The following DHRSX variants were observed in gnomAD, a reference collection of about 807,000 sequenced individuals.
DHRSX encodes the protein polyprenol dehydrogenase.
Under a neutral mutation model 34.0 loss-of-function variants are expected in DHRSX, and 31 were observed. The observed-to-expected ratio is 0.91, with a 90% CI of 0.69 to 1.23. DHRSX has a LOEUF of 1.23. Ranked by LOEUF, DHRSX falls within the 50% of genes most tolerant of loss-of-function variation. The probability of loss-of-function intolerance (pLI) is 0.00; values close to 1 mark genes in which losing one functional copy is unlikely to be tolerated. For missense variants in DHRSX, 414 were observed against 428.1 expected, an observed-to-expected ratio of 0.97 and a Z score of 0.29; for synonymous variants, 201 against 183.8, an observed-to-expected ratio of 1.09 and a Z score of -0.76.
At chrX:2,242,482 G>A (rs1486477946) in intron 6 of DHRSX, among the ~76,000 whole-genome samples, 3 of 152,136 alleles carry the variant, frequency 2.0e-5, no homozygotes, top group Non-Finnish European at 4.4e-5. Flanking sequence ...TGGGTAACAC[G>A]AGGCTGAGAC....
intron 4 of DHRSX, among the ~76,000 whole-genome samples, chrX:2,288,152 A>G (rs2041827002): frequency 6.6e-6 from 1 of 152,070 alleles, no homozygotes; most frequent in Admixed American, 6.6e-5. Flanking sequence ...GCAAGATGAG[A>G]GAGAGAAAGA....
chrX:2,359,608 T>C (rs2042902591), intron 3 of DHRSX, among the ~76,000 whole-genome samples: 2 of 151,492 alleles, frequency 1.3e-5, no homozygotes, highest in South Asian at 4.2e-4. Context: ...AAGGGTGCAG[T>C]GAGCTGAGGC....
rs371825199 is a variant in DHRSX at position 2,221,365 on chromosome X, G to A, written c.805-136C>T. On this transcript the variant is annotated intron_variant, in intron 6 of 6. Transcript: ENST00000334651. Reference sequence around the variant, plus strand: ...GCACTGAGAAATGTATGCAAAAAGCGAGGTTGGGTGATCAATCTGAACCAC... The same window carrying A: ...GCACTGAGAAATGTATGCAAAAAGCAAGGTTGGGTGATCAATCTGAACCAC... 134 of 875,828 alleles carry A rather than the reference G, an allele frequency of 1.5e-4. No individual in the cohort carries two copies. The Middle Eastern group carries it at 2.6e-3, about 17-fold the overall frequency. 54.3% of individuals were successfully genotyped at this position (875,828 alleles called of 1,614,324 possible).
chrX:2,327,776 A>G (rs66619641), intron 3 of DHRSX, among the ~76,000 whole-genome samples: 41,341 of 151,860 alleles, frequency 0.27, 6,399 homozygotes, highest in African/African-American at 0.41. Context: ...GAAGACTGGG[A>G]TGCTTATAAG....
chrX:2,420,352 G>A (rs1479764516), intron 2 of DHRSX, among the ~76,000 whole-genome samples: 6 of 151,768 alleles, frequency 4.0e-5, no homozygotes, highest in East Asian at 1.9e-4. Context: ...AGTTTGCGGT[G>A]AGCTGAGATC....
chrX:2,363,202 C>T (rs1263557932), intron 3 of DHRSX, among the ~76,000 whole-genome samples: 18 of 114,954 alleles, frequency 1.6e-4, no homozygotes, highest in African/African-American at 3.2e-4. Context: ...GGTATCATGC[C>T]GCCATTTTAT....
chrX:2,351,240 AG>A (rs1181798835), intron 3 of DHRSX, among the ~76,000 whole-genome samples: 1 of 152,244 alleles, frequency 6.6e-6, no homozygotes, highest in East Asian at 1.9e-4. Context: ...CAGAACTTAG[AG>A]TAAAATTAAA....
intron 1 of DHRSX, among the ~76,000 whole-genome samples, chrX:2,481,969 A>T (rs1394255289): frequency 6.6e-6 from 1 of 151,618 alleles, no homozygotes. Context: ...TATCTTTTTA[A>T]ATTTATTTTG....
chrX:2,314,485 G>GGGGA (rs1188805995), intron 3 of DHRSX, among the ~76,000 whole-genome samples: 2 of 126,502 alleles, frequency 1.6e-5, no homozygotes, highest in East Asian at 2.1e-4. Context: ...AAGGAAGGAA[G>GGGGA]GAAGGGAGGT....
Position 2,425,429 on chromosome X carries a change from T to C in DHRSX, c.110-125A>G, listed in dbSNP as rs889029583. The C allele has an allele frequency of 4.9e-6, 4 of 820,360 alleles. No homozygotes were observed. In the African/African-American group the frequency reaches 6.9e-5, roughly 14 times the overall value. The allele number at this position is 820,360 out of a possible 1,614,324, so 50.8% of individuals were successfully genotyped here. On this transcript the variant is annotated intron_variant, in intron 1 of 6. Coordinates refer to ENST00000334651, the MANE Select transcript of DHRSX (RefSeq NM_145177.3). ...TATGGTTCATTTATTTCTGGTTCTG[T>C]TCCTCTTGAATTCCCACAGGCTCAG...
chrX:2,330,154 G>GA (rs2042445433), intron 3 of DHRSX, among the ~76,000 whole-genome samples: 1 of 132,624 alleles, frequency 7.5e-6, no homozygotes, highest in African/African-American at 2.9e-5. Flanking sequence ...GGAGGAGAAA[G>GA]GAAGGAGGAG....
intron 6 of DHRSX, among the ~76,000 whole-genome samples, chrX:2,237,234 A>G (rs2016037765): frequency 6.6e-6 from 1 of 152,106 alleles, no homozygotes; most frequent in Admixed American, 6.6e-5. Flanking sequence ...CCTTGATTTG[A>G]TTAATTAACC....
intron 3 of DHRSX, among the ~76,000 whole-genome samples, chrX:2,319,634 AT>A (rs769317088): frequency 2.7e-5 from 4 of 150,338 alleles, no homozygotes; most frequent in African/African-American, 4.9e-5. Context: ...CTTCCTTAGC[AT>A]TTTTTTTCTA....
chrX:2,338,603 TTAAA>T (rs970646981), intron 3 of DHRSX, among the ~76,000 whole-genome samples: 1 of 151,944 alleles, frequency 6.6e-6, no homozygotes, highest in African/African-American at 2.4e-5. Context: ...AGGCTGGTTG[TTAAA>T]TAGAGCCTGG....
At chrX:2,329,978 G>A (rs890227571) in intron 3 of DHRSX, among the ~76,000 whole-genome samples, 15 of 150,184 alleles carry the variant, frequency 1.0e-4, no homozygotes, top group Admixed American at 4.1e-4. Flanking sequence ...GGCAACAGAT[G>A]GTTCATGACA....
intron 1 of DHRSX, among the ~76,000 whole-genome samples, chrX:2,497,543 T>A (rs1220296535): frequency 4.6e-5 from 7 of 152,308 alleles, no homozygotes; most frequent in Non-Finnish European, 1.0e-4. Flanking sequence ...CTTCTATAAA[T>A]AGCTTTGTAA....
At chrX:2,490,286 T>C in intron 1 of DHRSX, 1 of 1,613,646 alleles carries the variant, frequency 6.2e-7, no homozygotes, top group Non-Finnish European at 8.5e-7. Flanking sequence ...GGTGGGCTCG[T>C]CCACGATGGA....
At chrX:2,321,571 G>A (rs779391621) in intron 3 of DHRSX, among the ~76,000 whole-genome samples, 4 of 151,050 alleles carry the variant, frequency 2.6e-5, no homozygotes, top group Admixed American at 6.6e-5. Flanking sequence ...ATGCTCCCTC[G>A]TGCTCCACCC....
intron 3 of DHRSX, among the ~76,000 whole-genome samples, chrX:2,325,454 G>A (rs1351271679): frequency 6.6e-6 from 1 of 152,136 alleles, no homozygotes. Flanking sequence ...GACTAGACAC[G>A]TTCAAGACAG....
Sources: gnomAD v4.1 joint callset for allele counts (sites outside exome capture counted in the v4.1 genomes callset) on GRCh38, gnomAD v4.1.1 for gene constraint, MANE v1.5 for transcripts, NCBI Gene and HGNC (gene_info 2026-07-23, HGNC 2026-07-21) for gene names.